HACL2: variants seen among roughly 807,000 people sequenced by gnomAD.
The protein encoded by HACL2 is 2-hydroxyacyl-CoA lyase 1 like.
the HACL2 span, among the ~76,000 whole-genome samples, chr19:15,122,335 G>A: frequency 6.6e-6 from 1 of 152,036 alleles, no homozygotes; most frequent in African/African-American, 2.4e-5. The surrounding 1 kb of genome is among the most constrained non-coding windows in gnomAD (Gnocchi z 4.0). Context: ...GGAGGAAAAC[G>A]GAGAGGACGA....
At chr19:15,124,808 T>G in the HACL2 span, 229 of 1,357,566 alleles carry the variant, frequency 1.7e-4, no homozygotes, top group Admixed American at 2.0e-4. Context: ...TACCAGTCCC[T>G]CTGGACTAGT....
the HACL2 span, among the ~76,000 whole-genome samples, chr19:15,119,723 G>C: frequency 6.6e-6 from 1 of 152,034 alleles, no homozygotes; most frequent in Admixed American, 6.5e-5. Context: ...GCTAACTTTT[G>C]TATTTTCAGT....
chr19:15,122,597 A>G, the HACL2 span: 2 of 1,021,484 alleles, frequency 2.0e-6, no homozygotes, highest in Non-Finnish European at 1.5e-6. The surrounding 1 kb of genome is among the most constrained non-coding windows in gnomAD (Gnocchi z 4.0). Context: ...GTCTCCTCCC[A>G]GTCCACATGT....
At chr19:15,115,242 C>T in the HACL2 span, 2 of 1,614,046 alleles carry the variant, frequency 1.2e-6, no homozygotes, top group African/African-American at 2.7e-5. Flanking sequence ...GCGTCCTGAC[C>T]CACAAGGCCC....
chr19:15,121,727 T>G, the HACL2 span, among the ~76,000 whole-genome samples: 3 of 149,218 alleles, frequency 2.0e-5, no homozygotes, highest in Non-Finnish European at 4.5e-5. Context: ...GAAAATCACT[T>G]GAACCCAGGG....
chr19:15,115,212 AG>A, the HACL2 span: 1 of 1,611,092 alleles, frequency 6.2e-7, no homozygotes, highest in Non-Finnish European at 8.5e-7. Flanking sequence ...GACACAGTCC[AG>A]GGGCAGGAAG....
At chr19:15,122,491 G>A in the HACL2 span, among the ~76,000 whole-genome samples, 3 of 152,080 alleles carry the variant, frequency 2.0e-5, no homozygotes, top group African/African-American at 4.8e-5. The surrounding 1 kb of genome is among the most constrained non-coding windows in gnomAD (Gnocchi z 4.0). Flanking sequence ...CTGCCTCCAC[G>A]AGGGCCGCCT....
At chr19:15,119,176 A>G in the HACL2 span, 11 of 1,569,884 alleles carry the variant, frequency 7.0e-6, no homozygotes, top group South Asian at 1.2e-4. Flanking sequence ...CTGCTAGGAC[A>G]ATGACATCCG....
chr19:15,119,225 AG>A, the HACL2 span: 1 of 1,608,364 alleles, frequency 6.2e-7, no homozygotes, highest in Non-Finnish European at 8.5e-7. Context: ...CCGGATGTGG[AG>A]GGGGTGGTTG....
At chr19:15,117,762 C>A in the HACL2 span, 4 of 1,099,560 alleles carry the variant, frequency 3.6e-6, no homozygotes, top group Non-Finnish European at 5.4e-6. Flanking sequence ...TGACTGGCTA[C>A]CCCTAGGGCA....
the HACL2 span, chr19:15,115,193 A>C: frequency 6.2e-7 from 1 of 1,602,530 alleles, no homozygotes; most frequent in Non-Finnish European, 8.5e-7. Context: ...TGAGACTCCA[A>C]ACCAGCTGGA....
At chr19:15,122,800 C>T in the HACL2 span, 77 of 1,614,006 alleles carry the variant, frequency 4.8e-5, no homozygotes, top group Admixed American at 1.8e-4. The surrounding 1 kb of genome is among the most constrained non-coding windows in gnomAD (Gnocchi z 4.0). Context: ...CCACAAACAC[C>T]GGACCTGCAG....
At chr19:15,123,076 A>C in the HACL2 span, 23 of 1,611,188 alleles carry the variant, frequency 1.4e-5, no homozygotes, top group South Asian at 1.6e-4. The surrounding 1 kb of genome is among the most constrained non-coding windows in gnomAD (Gnocchi z 5.1). Flanking sequence ...GAGCCCTTCA[A>C]GCCCCCCTAG....
the HACL2 span, among the ~76,000 whole-genome samples, chr19:15,120,591 C>T: frequency 6.6e-6 from 1 of 152,204 alleles, no homozygotes; most frequent in Non-Finnish European, 1.5e-5. Context: ...GCCCCAGGGC[C>T]CCAACTTTCC....
At chr19:15,123,440 C>G in the HACL2 span, 3 of 1,614,216 alleles carry the variant, frequency 1.9e-6, no homozygotes, top group African/African-American at 1.3e-5. This position sits in a 1 kb window ranked among gnomAD's most constrained non-coding sequence, Gnocchi z 5.1. Context: ...GTCCACCACA[C>G]GGATGCCCAG....
At chr19:15,124,672 G>A in the HACL2 span, 5 of 533,134 alleles carry the variant, frequency 9.4e-6, no homozygotes, top group African/African-American at 2.0e-5. Context: ...GAGTCACTGG[G>A]GAAGGAGGTA....
At chr19:15,124,770 T>G in the HACL2 span, 1 of 1,034,662 alleles carries the variant, frequency 9.7e-7, no homozygotes, top group Non-Finnish European at 1.4e-6. Flanking sequence ...AGCGTGGCAA[T>G]GGAGACAGGG....
chr19:15,123,568 CT>C, the HACL2 span: 5 of 1,613,996 alleles, frequency 3.1e-6, no homozygotes, highest in Non-Finnish European at 4.2e-6. This position sits in a 1 kb window ranked among gnomAD's most constrained non-coding sequence, Gnocchi z 5.1. Context: ...GGACGCTTGC[CT>C]TGTCCACCTG....
the HACL2 span, among the ~76,000 whole-genome samples, chr19:15,120,446 G>A: frequency 2.6e-5 from 4 of 152,212 alleles, no homozygotes; most frequent in East Asian, 5.8e-4. Flanking sequence ...TTCCACCTCT[G>A]TCAATGTAAA....
Sources: allele counts gnomAD v4.1 joint callset (sites outside exome capture counted in the v4.1 genomes callset), GRCh38; gene constraint gnomAD v4.1.1; non-coding constraint Gnocchi (gnomAD v3.1); transcripts MANE v1.5; gene names NCBI Gene and HGNC (gene_info 2026-07-23, HGNC 2026-07-21).